The following MYPN variants were observed in gnomAD, a reference collection of about 807,000 sequenced individuals.
The protein encoded by MYPN is sarcomeric protein myopalladin, 145 kDa (MYOP).
Under a neutral mutation model 129.4 loss-of-function variants are expected in MYPN, and 63 were observed. That is an observed-to-expected ratio of 0.49 (90% confidence interval 0.40 to 0.60). The LOEUF (loss-of-function observed/expected upper bound fraction) is 0.60, where lower values mean the gene tolerates loss of function less well. MYPN is among the 20% of genes least tolerant of loss of function. The pLI, the probability that MYPN is intolerant of heterozygous loss-of-function variation, is 0.00. For missense variants in MYPN, 1,596 were observed against 1,635.4 expected (o/e 0.98, Z 0.42); for synonymous variants, 629 against 600.9 (o/e 1.05, Z -0.68).
At chr10:68,165,666 T>A in intron 8 of MYPN, 36 bp from the exon 9 acceptor site, 2 of 1,440,406 alleles carry the variant, frequency 1.4e-6, no homozygotes, top group Non-Finnish European at 2.0e-6. Flanking sequence ...GTTTTCATAA[T>A]GAAGTCAGTA....
upstream of MYPN, among the ~76,000 whole-genome samples, chr10:68,108,546 A>C (rs2042039906): frequency 6.6e-6 from 1 of 152,160 alleles, no homozygotes; most frequent in Non-Finnish European, 1.5e-5. Flanking sequence ...ATTTAAACCA[A>C]TGTGTTTCAT....
chr10:68,198,546 C>G (rs1038850152), intron 16 of MYPN, among the ~76,000 whole-genome samples: 5 of 152,184 alleles, frequency 3.3e-5, no homozygotes, highest in Non-Finnish European at 7.3e-5. Context: ...TTCTTCTTCT[C>G]TCTGTGGCTG....
At chr10:68,208,459 C>T (rs1316194867) in intron 19 of MYPN, among the ~76,000 whole-genome samples, 1 of 152,168 alleles carries the variant, frequency 6.6e-6, no homozygotes, top group African/African-American at 2.4e-5. Context: ...ATGTACTTTT[C>T]CCTGGAGAAA....
At chr10:68,209,404 A>G (rs1375054575) in intron 19 of MYPN, among the ~76,000 whole-genome samples, 3 of 152,206 alleles carry the variant, frequency 2.0e-5, no homozygotes, top group Non-Finnish European at 4.4e-5. Context: ...TTGCTGTAAC[A>G]ATAGAACCTG....
At chr10:68,115,136 G>A (rs1189174385) in intron 1 of MYPN, among the ~76,000 whole-genome samples, 5 of 151,908 alleles carry the variant, frequency 3.3e-5, no homozygotes, top group Non-Finnish European at 4.4e-5. Context: ...GCACGCGCCT[G>A]GAATCCCAGC....
chr10:68,148,339 TA>T lies in MYPN; in HGVS notation c.1131-12del. ...TAGGTCTATTTTATAATCTATATTT[TA>T]ATAATTTCTCAGAATCCAGAAGCCA... On this transcript the variant is annotated splice_polypyrimidine_tract_variant and intron_variant, in intron 4 of 19. Transcript: ENST00000358913. 6.3e-7 allele frequency: 1 copy of T among 1,584,382 alleles called. No homozygotes were observed. Among genetic ancestry groups the T allele is most frequent in the African/African-American group, 1.3e-5 (1 of 74,092 alleles).
Position 68,182,422 on chromosome 10 carries a change from A to ATT in MYPN, c.2704-6482_2704-6481insTT, listed in dbSNP as rs755102056. 1.3e-3 allele frequency among the ~76,000 whole-genome samples: 127 copies of ATT among 98,192 alleles called. 5 individuals are homozygous for ATT. Among genetic ancestry groups the ATT allele is most frequent in the Non-Finnish European group, 2.7e-3 (114 of 41,784 alleles). 64.4% of individuals were successfully genotyped at this position (98,192 alleles called of 152,430 possible). On this transcript the variant is annotated intron_variant, in intron 12 of 19. Coordinates refer to ENST00000358913, the MANE Select transcript of MYPN (RefSeq NM_032578.4). ...TATATAACACATATATATAACATAT[A>ATT]TATAACACATATATATAACATATAT...
In MYPN at chr10:68,174,377, G is replaced by T. The variant is rs2043192530; in HGVS notation, c.2285G>T (p.Ser762Ile). ...ATTCAGAGGACAGTGAGCAAAGAAA[G>T]CCTCTTAGTGTCTCACCCCTCTGTG... is the stretch of plus-strand genomic sequence containing the variant. Reference protein sequence around the residue: ...QTIQRTVSKESLLVSHPSVQT... With the variant: ...QTIQRTVSKEILLVSHPSVQT... The change falls in exon 11 of 20, where the codon AGC becomes ATC. Residue 762 changes from serine (S) to isoleucine (I), a missense_variant. By Grantham distance (142) the Ser-to-Ile change is moderately radical. Coordinates refer to ENST00000358913, the MANE Select transcript of MYPN (RefSeq NM_032578.4). 1 of 1,614,140 alleles carries T rather than the reference G, an allele frequency of 6.2e-7. No homozygotes were observed. The highest frequency in any genetic ancestry group is 1.1e-5 in the South Asian group (1 of 91,088).
intron 12 of MYPN, among the ~76,000 whole-genome samples, chr10:68,178,827 ACTAG>A (rs1271787278): frequency 1.3e-5 from 2 of 151,880 alleles, no homozygotes; most frequent in Non-Finnish European, 2.9e-5. Context: ...ATATTTGTTG[ACTAG>A]CTATGTTGAC....
At chr10:68,193,409 AG>A (rs1045225221) in intron 13 of MYPN, among the ~76,000 whole-genome samples, 1 of 152,218 alleles carries the variant, frequency 6.6e-6, no homozygotes, top group African/African-American at 2.4e-5. Context: ...TGATTTTCAT[AG>A]CCATCAAACT....
intron 13 of MYPN, among the ~76,000 whole-genome samples, chr10:68,191,593 C>T (rs2043514651): frequency 6.6e-6 from 1 of 152,116 alleles, no homozygotes; most frequent in Non-Finnish European, 1.5e-5. Context: ...TCACGTTGAG[C>T]AGTATAGACA....
chr10:68,211,515 C>T lies in MYPN; in HGVS notation c.*1060C>T, dbSNP rs1487954525. ...GAGATCATTGGTCAAATTGCATTTT[C>T]TATGTAGAGAATATTCTGCTAGGTG... On this transcript the variant is annotated 3_prime_UTR_variant, in exon 20 of 20. Coordinates refer to ENST00000358913, the MANE Select transcript of MYPN (RefSeq NM_032578.4). 1 of 453,832 alleles carries T rather than the reference C, an allele frequency of 2.2e-6. No individual in the cohort carries two copies. Among genetic ancestry groups the T allele is most frequent in the Non-Finnish European group, 4.4e-6 (1 of 226,766 alleles). The allele number at this position is 453,832 out of a possible 1,614,324, so 28.1% of individuals were successfully genotyped here.
At chr10:68,188,824 A>G in intron 12 of MYPN, 81 bp from the exon 13 acceptor site, 1 of 1,174,064 alleles carries the variant, frequency 8.5e-7, no homozygotes, top group South Asian at 1.3e-5. Context: ...CTGAATCTTA[A>G]AAAGTGGCTT....
At chr10:68,186,005 G>C (rs1334857291) in intron 12 of MYPN, among the ~76,000 whole-genome samples, 1 of 152,160 alleles carries the variant, frequency 6.6e-6, no homozygotes, top group Non-Finnish European at 1.5e-5. Context: ...GTTTCACATG[G>C]TTCTACCTAA....
At chr10:68,091,785 G>A (rs918491383) in intron 1 of MYPN, among the ~76,000 whole-genome samples, 2 of 150,056 alleles carry the variant, frequency 1.3e-5, no homozygotes, top group Non-Finnish European at 3.0e-5. Flanking sequence ...TGGAGGAAGA[G>A]TTTTACTATT....
intron 13 of MYPN, among the ~76,000 whole-genome samples, chr10:68,191,545 CATT>C (rs1376484885): frequency 4.6e-5 from 7 of 152,140 alleles, no homozygotes; most frequent in African/African-American, 9.7e-5. Context: ...CAAAGGATGT[CATT>C]GTTGTTTTGA....
rs1199919244 is a variant in MYPN at position 68,097,979 on chromosome 10, C to T, written c.-2+9987C>T. On this transcript the variant is annotated intron_variant, in intron 1 of 6. Transcript: ENST00000685154. ...CTCAATTTTAGGCCGGGCATGGTGG[C>T]TCATGCCTGTAATCCTAGCACTTTG... Among the ~76,000 whole-genome samples the T allele has an allele frequency of 2.6e-5, 4 of 152,300 alleles. No individual in the cohort carries two copies. In the East Asian group the frequency reaches 5.8e-4, roughly 22 times the overall value.
At chr10:68,137,599 A>G (rs1482995146) in intron 2 of MYPN, among the ~76,000 whole-genome samples, 4 of 152,208 alleles carry the variant, frequency 2.6e-5, no homozygotes, top group Admixed American at 6.5e-5. Flanking sequence ...ATTTTATTAT[A>G]TAATATTTTA....
chr10:68,156,843 A>G (rs2042883568), intron 6 of MYPN, among the ~76,000 whole-genome samples: 1 of 152,256 alleles, frequency 6.6e-6, no homozygotes, highest in African/African-American at 2.4e-5. Flanking sequence ...AAAAATTGTA[A>G]TAATAGAAAT....
Sources: allele counts gnomAD v4.1 joint callset (sites outside exome capture counted in the v4.1 genomes callset), GRCh38; gene constraint gnomAD v4.1.1; transcripts MANE v1.5; gene names NCBI Gene and HGNC (gene_info 2026-07-23, HGNC 2026-07-21).